The following PTPRD variants were observed in gnomAD, a reference collection of about 807,000 sequenced individuals.
PTPRD encodes protein tyrosine phosphatase receptor type D.
Under a neutral mutation model 214.5 loss-of-function variants are expected in PTPRD, and 34 were observed. The observed-to-expected ratio is 0.16, with a 90% CI of 0.12 to 0.21. The LOEUF is 0.21. Among genes scored for constraint, PTPRD ranks in the 10% least tolerant of loss-of-function variants. The probability of loss-of-function intolerance (pLI) is 1.00; values close to 1 mark genes in which losing one functional copy is unlikely to be tolerated. For synonymous variants in PTPRD, 1,128 were observed against 845.7 expected (o/e 1.33, Z -5.79); for missense variants, 2,545 against 2,398.7 (o/e 1.06, Z -1.27).
At chr9:8,657,471 C>T (rs528929817) in intron 12 of PTPRD, among the ~76,000 whole-genome samples, 82 of 152,180 alleles carry the variant, frequency 5.4e-4, no homozygotes, top group Non-Finnish European at 5.6e-4. Flanking sequence ...GCCCGGCCTG[C>T]CCACTTTTTA....
intron 34 of PTPRD, among the ~76,000 whole-genome samples, chr9:8,437,495 T>C (rs2132591213): frequency 6.6e-6 from 1 of 152,290 alleles, no homozygotes; most frequent in African/African-American, 2.4e-5. Flanking sequence ...TCACTGACGA[T>C]AATCACTGAC....
chr9:10,578,575 T>C (rs1567034407), intron 2 of PTPRD, among the ~76,000 whole-genome samples: 1 of 152,158 alleles, frequency 6.6e-6, no homozygotes, highest in Non-Finnish European at 1.5e-5. Context: ...ATTTATATTC[T>C]TACAAATAAA....
chr9:9,104,431 G>A (rs1478394559), intron 10 of PTPRD, among the ~76,000 whole-genome samples: 1 of 152,176 alleles, frequency 6.6e-6, no homozygotes, highest in Non-Finnish European at 1.5e-5. Flanking sequence ...CAATTCCTGA[G>A]ATGAATAATT....
chr9:8,521,244 C>T (rs3818346), intron 20 of PTPRD, 33 bp downstream of exon 20: 206,004 of 1,584,864 alleles, frequency 0.13, 17,066 homozygotes, highest in African/African-American at 0.41. Flanking sequence ...TTGAGTGTAC[C>T]CAGATCCTCA....
chr9:10,449,054 C>T (rs946578072), intron 2 of PTPRD, among the ~76,000 whole-genome samples: 10 of 152,016 alleles, frequency 6.6e-5, no homozygotes, highest in Non-Finnish European at 7.3e-5. Context: ...TCTCCCTCTC[C>T]GTCTCCCACT....
At chr9:10,440,794 A>T (rs2098753119) in intron 2 of PTPRD, among the ~76,000 whole-genome samples, 2 of 151,722 alleles carry the variant, frequency 1.3e-5, no homozygotes, top group South Asian at 4.1e-4. Flanking sequence ...TTGTAGAGGA[A>T]CACAAATCCT....
intron 2 of PTPRD, among the ~76,000 whole-genome samples, chr9:10,448,143 A>G (rs959191362): frequency 6.6e-6 from 1 of 152,040 alleles, no homozygotes; most frequent in Non-Finnish European, 1.5e-5. Context: ...AGTCTTTTCG[A>G]GTCTTAAGAC....
intron 3 of PTPRD, among the ~76,000 whole-genome samples, chr9:10,289,798 A>C (rs2095476522): frequency 6.6e-6 from 1 of 152,196 alleles, no homozygotes; most frequent in South Asian, 2.1e-4. Flanking sequence ...AGTAAGGTAC[A>C]TAGGATATGT....
chr9:9,843,694 G>C lies in PTPRD; in HGVS notation c.-367-76843C>G, dbSNP rs544267438. Reference sequence around the variant, plus strand: ...TTTGAAAACACATATATTAAACTTTGTTTATATAAATTGTATATCTAGAAA... The same window carrying C: ...TTTGAAAACACATATATTAAACTTTCTTTATATAAATTGTATATCTAGAAA... On this transcript the variant is annotated intron_variant, in intron 5 of 45. Transcript: ENST00000381196. Among the ~76,000 whole-genome samples, 27 of 151,782 alleles carry C rather than the reference G, an allele frequency of 1.8e-4. No homozygotes were observed. In the Middle Eastern group the frequency reaches 0.01, roughly 57 times the overall value.
intron 27 of PTPRD, among the ~76,000 whole-genome samples, chr9:8,492,486 C>T (rs1212254801): frequency 1.3e-5 from 2 of 152,006 alleles, no homozygotes; most frequent in African/African-American, 4.8e-5. Flanking sequence ...ATTATATACT[C>T]GTTTTGTCAC....
intron 5 of PTPRD, among the ~76,000 whole-genome samples, chr9:9,806,755 T>C: frequency 6.6e-6 from 1 of 151,874 alleles, no homozygotes; most frequent in East Asian, 1.9e-4. Flanking sequence ...ATCTCAGGAG[T>C]TGAGCGAGTG....
intron 3 of PTPRD, among the ~76,000 whole-genome samples, chr9:10,087,433 A>T (rs1332895378): frequency 6.6e-6 from 1 of 151,658 alleles, no homozygotes; most frequent in Non-Finnish European, 1.5e-5. Context: ...TCTATTGAAG[A>T]TGTGGGCAAC....
intron 3 of PTPRD, among the ~76,000 whole-genome samples, chr9:10,095,090 A>T (rs2098470008): frequency 6.6e-6 from 1 of 151,450 alleles, no homozygotes; most frequent in African/African-American, 2.4e-5. Flanking sequence ...TCAAAGAGGA[A>T]AGAGGCATAG....
chr9:8,724,601 T>C (rs113018782), intron 12 of PTPRD, among the ~76,000 whole-genome samples: 5 of 152,124 alleles, frequency 3.3e-5, no homozygotes, highest in African/African-American at 9.7e-5. Flanking sequence ...AACCAAGATT[T>C]TGAACAAGGT....
intron 34 of PTPRD, among the ~76,000 whole-genome samples, chr9:8,446,936 C>G (rs1037390990): frequency 2.6e-5 from 4 of 152,218 alleles, no homozygotes; most frequent in African/African-American, 9.6e-5. Context: ...TTAACAGCCG[C>G]TGGCTAAAAT....
At chr9:10,611,613 C>G (rs1367601734) in intron 2 of PTPRD, among the ~76,000 whole-genome samples, 1 of 152,096 alleles carries the variant, frequency 6.6e-6, no homozygotes, top group Non-Finnish European at 1.5e-5. Context: ...AGGAATACTG[C>G]CTGCAAAAGT....
chr9:9,296,057 G>A lies in PTPRD; in HGVS notation c.-203+101392C>T, dbSNP rs576721113. Among the ~76,000 whole-genome samples, 4 of 151,776 alleles carry A rather than the reference G, an allele frequency of 2.6e-5. No homozygotes were observed. The South Asian group carries it at 8.3e-4, about 32-fold the overall frequency. ...TAATGAGGACTCAGATGATCTCATC[G>A]GGCACATTCTCAGCTTTGAGGTCAA... is the stretch of plus-strand genomic sequence containing the variant. On this transcript the variant is annotated intron_variant, in intron 9 of 45. Coordinates refer to ENST00000381196, the MANE Select transcript of PTPRD (RefSeq NM_002839.4).
chr9:8,517,166 C>T (rs565111244), intron 21 of PTPRD, among the ~76,000 whole-genome samples: 13 of 152,174 alleles, frequency 8.5e-5, no homozygotes, highest in African/African-American at 2.4e-4. Flanking sequence ...AACTGATCAC[C>T]TTGACTCAAA....
At chr9:10,431,188 C>T (rs952994998) in intron 2 of PTPRD, among the ~76,000 whole-genome samples, 1 of 151,914 alleles carries the variant, frequency 6.6e-6, no homozygotes, top group Non-Finnish European at 1.5e-5. Flanking sequence ...TAAATTTCAT[C>T]GTTCAGAATC....
Sources: allele counts gnomAD v4.1 joint callset (sites outside exome capture counted in the v4.1 genomes callset), GRCh38; gene constraint gnomAD v4.1.1; transcripts MANE v1.5; gene names NCBI Gene and HGNC (gene_info 2026-07-23, HGNC 2026-07-21).